The following DENND2A variants were observed in gnomAD, a reference collection of about 807,000 sequenced individuals.
DENND2A encodes DENN domain containing 2A.
In DENND2A, 53 loss-of-function variants were observed where a neutral mutation model predicts 105.3. That is an observed-to-expected ratio of 0.50 (90% CI 0.40 to 0.63). The LOEUF (loss-of-function observed/expected upper bound fraction) is 0.63. Ranked by LOEUF, DENND2A falls within the 30% of genes least tolerant of loss-of-function variation. DENND2A has a pLI of 0.00. For synonymous variants in DENND2A, 522 were observed against 508.4 expected (o/e 1.03, Z -0.36); for missense variants, 1,138 against 1,279.6 (o/e 0.89, Z 1.69).
Position 140,521,860 on chromosome 7 carries a change from G to T in DENND2A, c.2906C>A (p.Ala969Asp). Residue 969 changes from alanine (A) to aspartate (D), a missense_variant, in exon 18 of 20, where the codon GCC (alanine) becomes GAC (aspartate). By Grantham distance (126) the Ala-to-Asp change is moderately radical. Around this residue, in one of 2 missense-constraint regions of DENND2A, gnomAD observed 627 missense variants for 779.8 expected, o/e 0.80. Transcript: ENST00000496613. ...ACAGAGAAGATGCCCCTCACCTTTG[G>T]CATCCTGCCGGCGCAGCTCCCGCTC... is the stretch of plus-strand genomic sequence containing the variant. ...IQERELRRQD[A>D]KGLFEVRAQE... 6.2e-7 allele frequency: 1 copy of T among 1,613,814 alleles called. No homozygotes were observed. Among genetic ancestry groups the T allele is most frequent in the Non-Finnish European group, 8.5e-7 (1 of 1,179,928 alleles).
At chr7:140,613,581 C>T (rs2968563) in intron 1 of DENND2A, among the ~76,000 whole-genome samples, 9,378 of 150,070 alleles carry the variant, frequency 0.062, 408 homozygotes, top group Admixed American at 0.14. Context: ...CTGGGCAACA[C>T]AGCAAGATCC....
chr7:140,602,027 G>T lies in DENND2A; in HGVS notation c.371C>A (p.Pro124Gln). The change falls in exon 3 of 20, where the codon CCG (proline) becomes CAG (glutamine). Residue 124 changes from proline to glutamine, a missense_variant. Pro to Gln is a moderately conservative substitution (Grantham distance 76). Transcript: ENST00000496613. The part of the protein sequence containing the change: ...AVNVGGQDPE[P>Q]GQDLSQPERE... ...TTCTGGCTGGCTTAGGTCTTGCCCCGGCTCTGGGTCCTGTCCCCCGACGTT... is the reference window on the plus strand; with the variant it reads ...TTCTGGCTGGCTTAGGTCTTGCCCCTGCTCTGGGTCCTGTCCCCCGACGTT... 2 of 1,614,152 alleles carry T rather than the reference G, an allele frequency of 1.2e-6. No homozygotes were observed. Among genetic ancestry groups the T allele is most frequent in the Non-Finnish European group, 1.7e-6 (2 of 1,180,026 alleles).
chr7:140,525,420 G>A (rs1415378315), intron 16 of DENND2A, among the ~76,000 whole-genome samples: 1 of 152,144 alleles, frequency 6.6e-6, no homozygotes, highest in East Asian at 1.9e-4. Flanking sequence ...CTCCCAAAGT[G>A]CTGGGATTAC....
chr7:140,595,267 A>G lies in DENND2A; in HGVS notation c.995+6136T>C, dbSNP rs1386629396. Among the ~76,000 whole-genome samples the G allele has an allele frequency of 2.6e-5, 4 of 151,868 alleles. No individual in the cohort carries two copies. In the East Asian group the frequency reaches 7.7e-4, roughly 29 times the overall value. On this transcript the variant is annotated intron_variant, in intron 3 of 19. Transcript: ENST00000496613. ...AGTGATCTGCCCACCTCGGCCTCCCAAAGTCCTGGGATTACAGGCATGAGC... is the reference window on the plus strand; with the variant it reads ...AGTGATCTGCCCACCTCGGCCTCCCGAAGTCCTGGGATTACAGGCATGAGC...
Position 140,518,687 on chromosome 7 carries a change from T to G in DENND2A, c.*20A>C. ...AGCATAGGGCTGCACTAGGAGGAAGTTTTCCCTTGAGGCTGAGAGTTATTT... is the reference window on the plus strand; with the variant it reads ...AGCATAGGGCTGCACTAGGAGGAAGGTTTCCCTTGAGGCTGAGAGTTATTT... On this transcript the variant is annotated 3_prime_UTR_variant, in exon 20 of 20. Coordinates refer to ENST00000496613, the MANE Select transcript of DENND2A (RefSeq NM_015689.5). 6.2e-7 allele frequency: 1 copy of G among 1,612,508 alleles called. No homozygotes were observed. Among genetic ancestry groups the G allele is most frequent in the South Asian group, 1.1e-5 (1 of 91,028 alleles).
chr7:140,531,250 T>C (rs1379364955), intron 14 of DENND2A, among the ~76,000 whole-genome samples: 1 of 152,226 alleles, frequency 6.6e-6, no homozygotes, highest in East Asian at 1.9e-4. Context: ...TAATCTATGT[T>C]GATGCGTGGA....
At position 140,555,662 on chromosome 7, in the gene DENND2A, G is replaced by C. The variant is rs768627231; in HGVS notation, c.2011C>G (p.Leu671Val). The change falls in exon 12 of 20, where the codon CTG becomes GTG. Residue 671 changes from leucine (L) to valine (V), a missense_variant. By Grantham distance (32) the Leu-to-Val change is conservative (BLOSUM62 1). Around this residue, in one of 2 missense-constraint regions of DENND2A, gnomAD observed 627 missense variants for 779.8 expected, o/e 0.80. Transcript: ENST00000496613. ...LPEVYCIVSRLGCFSLFSRIL... is the reference protein window; with the variant it reads ...LPEVYCIVSRVGCFSLFSRIL... ...CTTGAAAAGAGGCTGAAGCATCCCA[G>C]GCGGCTCACAATGCAGTAAACTTCA... The C allele has an allele frequency of 4.6e-5, 74 of 1,609,710 alleles. No individual in the cohort carries two copies. In the South Asian group the frequency reaches 8.0e-4, roughly 17 times the overall value.
At chr7:140,520,017 G>A (rs1187981173) in intron 18 of DENND2A, among the ~76,000 whole-genome samples, 3 of 152,210 alleles carry the variant, frequency 2.0e-5, no homozygotes, top group Non-Finnish European at 4.4e-5. Flanking sequence ...AAGATGAACC[G>A]GAGTGGCCAG....
Position 140,518,654 on chromosome 7 carries a change from G to A in DENND2A, c.*53C>T. The A allele has an allele frequency of 1.3e-6, 2 of 1,588,616 alleles. No homozygotes were observed. The highest frequency in any genetic ancestry group is 8.6e-7 in the Non-Finnish European group (1 of 1,158,072). On this transcript the variant is annotated 3_prime_UTR_variant, in exon 20 of 20. Transcript: ENST00000496613. ...CCTTTCAGAAAGGCCACCAGGAACT[G>A]TTTTTAAAGCATAGGGCTGCACTAG...
At chr7:140,526,437 G>T (rs1033476778) in intron 15 of DENND2A, among the ~76,000 whole-genome samples, 1 of 152,230 alleles carries the variant, frequency 6.6e-6, no homozygotes, top group Admixed American at 6.5e-5. Flanking sequence ...GCCACTGGCC[G>T]TGACGGAGGA....
chr7:140,524,596 G>T (rs1468338047), intron 16 of DENND2A, among the ~76,000 whole-genome samples: 1 of 151,442 alleles, frequency 6.6e-6, no homozygotes, highest in Non-Finnish European at 1.5e-5. Context: ...TTTTCTTCAG[G>T]AAAGGGTTTC....
chr7:140,637,585 C>A (rs532113457), intron 1 of DENND2A, among the ~76,000 whole-genome samples: 1 of 152,336 alleles, frequency 6.6e-6, no homozygotes, highest in African/African-American at 2.4e-5. Context: ...CTGAGTCCCA[C>A]CCTTTTCCTA....
rs575892407 is a variant in DENND2A at position 140,579,279 on chromosome 7, G to A, written c.1246-5271C>T. Among the ~76,000 whole-genome samples, 24 of 151,882 alleles carry A rather than the reference G, an allele frequency of 1.6e-4. No homozygotes were observed. In the East Asian group the frequency reaches 4.4e-3, roughly 28 times the overall value. ...CTGCACTCCAGACTGGCGACAGAGCGAGACTCTGTCTCAAAATAATAATAA... is the reference window on the plus strand; with the variant it reads ...CTGCACTCCAGACTGGCGACAGAGCAAGACTCTGTCTCAAAATAATAATAA... On this transcript the variant is annotated intron_variant, in intron 5 of 19. Coordinates refer to ENST00000496613, the MANE Select transcript of DENND2A (RefSeq NM_015689.5).
rs762403461 is a variant in DENND2A at position 140,601,569 on chromosome 7, C to T, written c.829G>A (p.Gly277Arg). 4.3e-6 allele frequency: 7 copies of T among 1,614,032 alleles called. No individual in the cohort carries two copies. Among genetic ancestry groups the T allele is most frequent in the South Asian group, 2.2e-5 (2 of 91,074 alleles). ...PKPRRTFKHA[G>R]EGDKDGKPGI... ...GGCTTCCCATCTTTGTCCCCTTCTCCGGCATGTTTGAACGTTCTCCGGGGT... is the reference window on the plus strand; with the variant it reads ...GGCTTCCCATCTTTGTCCCCTTCTCTGGCATGTTTGAACGTTCTCCGGGGT... Residue 277 changes from glycine (G) to arginine (R), a missense_variant, in exon 3 of 20, where the codon GGA (glycine) becomes AGA (arginine). Gly to Arg is a moderately radical substitution (Grantham distance 125). Transcript: ENST00000496613.
chr7:140,633,999 C>CTT (rs758022614), intron 1 of DENND2A, among the ~76,000 whole-genome samples: 8 of 142,128 alleles, frequency 5.6e-5, no homozygotes, highest in Admixed American at 1.4e-4. Context: ...AAATAGATTT[C>CTT]TTTTTTTTTT....
chr7:140,575,741 G>T (rs1228932259), intron 5 of DENND2A, among the ~76,000 whole-genome samples: 2 of 152,152 alleles, frequency 1.3e-5, no homozygotes, highest in Non-Finnish European at 2.9e-5. Context: ...GCTGAGGTGG[G>T]TGGATCACCT....
At chr7:140,575,597 T>C (rs1798264494) in intron 5 of DENND2A, among the ~76,000 whole-genome samples, 1 of 152,184 alleles carries the variant, frequency 6.6e-6, no homozygotes, top group Admixed American at 6.5e-5. Context: ...ATAACCTAGA[T>C]ATCCATCAAT....
intron 3 of DENND2A, among the ~76,000 whole-genome samples, chr7:140,589,022 C>T (rs566059324): frequency 3.3e-5 from 5 of 152,152 alleles, no homozygotes; most frequent in Non-Finnish European, 7.4e-5. Context: ...ACATTACAGG[C>T]GTGAGCCACT....
At position 140,585,728 on chromosome 7, in the gene DENND2A, GT is replaced by G; in HGVS notation, c.1124-19del. Reference sequence around the variant, plus strand: ...TGGCGGATCTGTGTTCAAAGGCAATGTGTCAGGAACCTGGGAACACTGAGGA... The same window carrying G: ...TGGCGGATCTGTGTTCAAAGGCAATGGTCAGGAACCTGGGAACACTGAGGA... On this transcript the variant is annotated intron_variant, in intron 4 of 19. Coordinates refer to ENST00000496613, the MANE Select transcript of DENND2A (RefSeq NM_015689.5). The G allele has an allele frequency of 1.2e-6, 2 of 1,614,134 alleles. No homozygotes were observed. The highest frequency in any genetic ancestry group is 1.7e-5 in the Admixed American group (1 of 60,012).
Sources: gnomAD v4.1 joint callset for allele counts (sites outside exome capture counted in the v4.1 genomes callset) on GRCh38, gnomAD v4.1.1 for gene constraint, gnomAD v4.1.1 regional missense constraint, MANE v1.5 for transcripts, NCBI Gene and HGNC (gene_info 2026-07-23, HGNC 2026-07-21) for gene names.